Variants in HDAC8 observed in about 807,000 individuals in gnomAD.
HDAC8 encodes histone deacetylase-like 1.
HDAC8 carries 1 observed loss-of-function variant against 32.2 expected under a neutral mutation model. The ratio of observed to expected loss-of-function variants is 0.03; its 90% confidence interval spans 0.01 to 0.15. The LOEUF is 0.15. Ranked by LOEUF, HDAC8 falls within the 10% of genes least tolerant of loss-of-function variation. HDAC8 has a pLI of 1.00. For synonymous variants in HDAC8, 108 were observed against 113.9 expected (o/e 0.95, Z 0.33); for missense variants, 117 against 300.0 (o/e 0.39, Z 4.51).
chrX:72,519,110 A>G (rs1215479397), intron 4 of HDAC8, among the ~76,000 whole-genome samples: 2 of 112,473 alleles, frequency 1.8e-5, no homozygotes, highest in Non-Finnish European at 3.8e-5. Flanking sequence ...ACGTTTGCTG[A>G]GCATAATGTT....
chrX:72,370,735 G>A (rs1204361373), intron 9 of HDAC8, among the ~76,000 whole-genome samples: 2 of 112,007 alleles, frequency 1.8e-5, no homozygotes, highest in Non-Finnish European at 3.8e-5. Context: ...AGAGCCAGTC[G>A]GAGTTCCAAA....
chrX:72,491,659 GAAGA>G (rs2048874839), intron 5 of HDAC8, among the ~76,000 whole-genome samples: 1 of 111,724 alleles, frequency 9.0e-6, no homozygotes, highest in African/African-American at 3.3e-5. Context: ...TTTAAAATCT[GAAGA>G]AAGATGGGCG....
chrX:72,445,555 T>C (rs1486617054), intron 9 of HDAC8, among the ~76,000 whole-genome samples: 3 of 112,134 alleles, frequency 2.7e-5, no homozygotes, highest in Non-Finnish European at 5.6e-5. Context: ...AAGACTTAAA[T>C]GTTAGAGCTA....
At chrX:72,569,984 G>A (rs1173988239) in intron 2 of HDAC8, among the ~76,000 whole-genome samples, 1 of 112,323 alleles carries the variant, frequency 8.9e-6, no homozygotes, top group Non-Finnish European at 1.9e-5. Flanking sequence ...TGGGCCACAG[G>A]GAGGCAGCAG....
intron 4 of HDAC8, among the ~76,000 whole-genome samples, chrX:72,534,075 A>G (rs142131832): frequency 6.5e-4 from 72 of 110,488 alleles, no homozygotes; most frequent in African/African-American, 2.2e-3. Flanking sequence ...AAGTAAAACT[A>G]TGTCTGTTGG....
Position 72,329,792 on chromosome X carries a change from T to TTG in HDAC8, c.*260_*261dup, listed in dbSNP as rs1314799945. ...AATTTTCAAAGATTAAAAATTTCAT[T>TTG]TGTGTGTGTGTGTTTTTTTAAATAA... is the stretch of plus-strand genomic sequence containing the variant. On this transcript the variant is annotated 3_prime_UTR_variant, in exon 11 of 11. Coordinates refer to ENST00000373573, the MANE Select transcript of HDAC8 (RefSeq NM_018486.3). The TTG allele has an allele frequency of 7.3e-6, 8 of 1,092,287 alleles. No individual in the cohort carries two copies. The highest frequency in any genetic ancestry group is 2.7e-5 in the Admixed American group (1 of 37,532). The allele number at this position is 1,092,287 out of a possible 1,213,427, so 90.0% of individuals were successfully genotyped here.
At chrX:72,538,236 T>C (rs1012583695) in intron 4 of HDAC8, among the ~76,000 whole-genome samples, 1 of 106,339 alleles carries the variant, frequency 9.4e-6, no homozygotes, top group Non-Finnish European at 1.9e-5. Flanking sequence ...CAAGCTGGAG[T>C]GCAGTGGCAC....
chrX:72,452,678 G>A (rs782771210), intron 9 of HDAC8, among the ~76,000 whole-genome samples: 1 of 111,533 alleles, frequency 9.0e-6, no homozygotes, highest in South Asian at 3.8e-4. Flanking sequence ...GGATCAAACT[G>A]ATCCACAATA....
chrX:72,467,800 G>A (rs1457000879), intron 7 of HDAC8: 7 of 533,505 alleles, frequency 1.3e-5, no homozygotes, highest in Non-Finnish European at 1.7e-5. Flanking sequence ...AGGATAAGGA[G>A]GAAGAGATAG....
chrX:72,572,616 C>CA, intron 1 of HDAC8, 35 bp downstream of exon 1: 1 of 793,832 alleles, frequency 1.3e-6, no homozygotes, highest in Non-Finnish European at 1.7e-6. Flanking sequence ...CCCCCACCCC[C>CA]AAAGCCCATG....
intron 10 of HDAC8, among the ~76,000 whole-genome samples, chrX:72,340,842 C>T (rs1213567177): frequency 8.9e-6 from 1 of 111,795 alleles, no homozygotes; most frequent in African/African-American, 3.3e-5. Context: ...AAGAAACAGT[C>T]GCTAACTGTG....
chrX:72,507,668 C>G (rs1443618710), intron 4 of HDAC8, among the ~76,000 whole-genome samples: 1 of 111,935 alleles, frequency 8.9e-6, no homozygotes, highest in East Asian at 2.8e-4. Context: ...ATTGCAATAC[C>G]TGAATAAAAT....
chrX:72,427,660 T>G (rs868932000), intron 9 of HDAC8, among the ~76,000 whole-genome samples: 1 of 106,036 alleles, frequency 9.4e-6, no homozygotes, highest in African/African-American at 3.4e-5. Flanking sequence ...CGAGTTAATG[T>G]GTGCAGCACA....
At chrX:72,416,385 T>G (rs1310341143) in intron 9 of HDAC8, among the ~76,000 whole-genome samples, 8 of 99,756 alleles carry the variant, frequency 8.0e-5, no homozygotes, top group Admixed American at 8.0e-4. Context: ...TCATTCCTGA[T>G]ATTGGAAATT....
At chrX:72,388,742 G>A (rs1288804333) in intron 9 of HDAC8, among the ~76,000 whole-genome samples, 1 of 110,822 alleles carries the variant, frequency 9.0e-6, no homozygotes, top group Non-Finnish European at 1.9e-5. Flanking sequence ...GGTTAAATAA[G>A]GTCATGGTGA....
At chrX:72,531,665 T>C (rs1884865894) in intron 4 of HDAC8, among the ~76,000 whole-genome samples, 1 of 112,119 alleles carries the variant, frequency 8.9e-6, no homozygotes, top group African/African-American at 3.2e-5. Flanking sequence ...CTAATTTACA[T>C]TCTGTCTCTA....
chrX:72,523,841 T>TG lies in HDAC8; in HGVS notation c.438-28574dup, dbSNP rs2050054295. Among the ~76,000 whole-genome samples, 3 of 111,651 alleles carry TG rather than the reference T, an allele frequency of 2.7e-5. No homozygotes were observed. In the Admixed American group the frequency reaches 2.9e-4, roughly 11 times the overall value. On this transcript the variant is annotated intron_variant, in intron 4 of 10. Transcript: ENST00000373573. Reference sequence around the variant, plus strand: ...AATCTCCATTTTACAGATGAGAAAATGGAGTCAGGAATGTTGAACTGACTT... The same window carrying TG: ...AATCTCCATTTTACAGATGAGAAAATGGGAGTCAGGAATGTTGAACTGACTT...
At chrX:72,564,256 T>G (rs945210138) in intron 4 of HDAC8, among the ~76,000 whole-genome samples, 2 of 112,470 alleles carry the variant, frequency 1.8e-5, no homozygotes, top group Non-Finnish European at 3.8e-5. Context: ...TTAAACTCCT[T>G]TGTAAATTGT....
intron 10 of HDAC8, among the ~76,000 whole-genome samples, chrX:72,345,260 A>G (rs1227189114): frequency 7.2e-5 from 8 of 111,249 alleles, no homozygotes; most frequent in Non-Finnish European, 1.3e-4. Flanking sequence ...GAACCTGAGC[A>G]GGGGGAGAGG....
Sources: allele counts gnomAD v4.1 joint callset (sites outside exome capture counted in the v4.1 genomes callset), GRCh38; gene constraint gnomAD v4.1.1; transcripts MANE v1.5; gene names NCBI Gene and HGNC (gene_info 2026-07-23, HGNC 2026-07-21).